AMZ2: variants seen among roughly 807,000 people sequenced by gnomAD.
The protein encoded by AMZ2 is archaelysin family metallopeptidase 2, also known as archaemetzincin-2.
A neutral mutation model predicts 36.7 loss-of-function variants in AMZ2; 26 were observed. The ratio of observed to expected loss-of-function variants is 0.71; its 90% confidence interval spans 0.52 to 0.98. The LOEUF (loss-of-function observed/expected upper bound fraction) is 0.98. Ranked by LOEUF, AMZ2 falls within the 50% of genes least tolerant of loss-of-function variation. The probability of loss-of-function intolerance (pLI) is 0.00; values close to 1 mark genes in which losing one functional copy is unlikely to be tolerated. For synonymous variants in AMZ2, 144 were observed against 149.1 expected (o/e 0.97, Z 0.25); for missense variants, 394 against 430.5 (o/e 0.92, Z 0.75).
In AMZ2 at chr17:68,256,909, G is replaced by T. The variant is rs139126842; in HGVS notation, c.1023G>T (p.Val341=). ...HEDNGNLPKP[V]EAFKEWKEWI... ...ATAATGGGAATTTACCGAAACCCGT[G>T]GAAGCCTTTAAGGAATGGAAAGAGT... Residue 341 remains valine, a synonymous_variant, in exon 7 of 7, where the codon GTG becomes GTT. Transcript: ENST00000359904. The T allele has an allele frequency of 2.7e-4, 431 of 1,614,114 alleles. No individual in the cohort carries two copies. The African/African-American group carries it at 5.4e-3, about 20-fold the overall frequency.
chr17:68,255,097 CTAT>C (rs2144773376), intron 5 of AMZ2, among the ~76,000 whole-genome samples: 1 of 152,290 alleles, frequency 6.6e-6, no homozygotes, highest in East Asian at 1.9e-4. Flanking sequence ...TTTACCTGTA[CTAT>C]TTGTTGGGGT....
chr17:68,241,400 A>C (rs1555733950), intron 1 of AMZ2, among the ~76,000 whole-genome samples: 1 of 152,222 alleles, frequency 6.6e-6, no homozygotes, highest in African/African-American at 2.4e-5. Flanking sequence ...ACCAGATTCA[A>C]CCAAAATTTA....
intron 1 of AMZ2, among the ~76,000 whole-genome samples, chr17:68,236,998 A>G (rs1555732751): frequency 6.6e-6 from 1 of 152,220 alleles, no homozygotes; most frequent in African/African-American, 2.4e-5. Context: ...ACATCCTTCC[A>G]TGATAATACG....
At position 68,255,817 on chromosome 17, in the gene AMZ2, C is replaced by T. The variant is rs1555742573; in HGVS notation, c.868C>T (p.Pro290Ser). The T allele has an allele frequency of 6.2e-6, 10 of 1,613,956 alleles. No homozygotes were observed. The South Asian group carries it at 9.9e-5, about 16-fold the overall frequency. Residue 290 changes from proline to serine, a missense_variant, in exon 6 of 7, where the codon CCT becomes TCT. By Grantham distance (74) the Pro-to-Ser change is moderately conservative. Transcript: ENST00000359904. The stretch of plus-strand genomic sequence containing the variant: ...TGACCGGCGCCCTCTAAACCTTTGC[C>T]CTATCTGTTTGCACAAGTTGCAGTG... ...EADRRPLNLC[P>S]ICLHKLQCAV...
At position 68,249,946 on chromosome 17, in the gene AMZ2, GTTT is replaced by G. The variant is rs1469641276; in HGVS notation, c.1-239_1-237del. On this transcript the variant is annotated intron_variant, in intron 1 of 6. Transcript: ENST00000359904. ...GAGCCACCACACCTGGCCACCACTA[GTTT>G]TTGTAATGGGAGCAGGTTCCATATG... The G allele has an allele frequency of 1.0e-5, 5 of 489,128 alleles. No homozygotes were observed. The East Asian group carries it at 1.9e-4, about 19-fold the overall frequency. 30.3% of individuals were successfully genotyped at this position (489,128 alleles called of 1,614,324 possible).
Position 68,248,307 on chromosome 17 carries a change from A to T in AMZ2, c.-399A>T, listed in dbSNP as rs1245980122. On this transcript the variant is annotated 5_prime_UTR_variant, in exon 1 of 7. Transcript: ENST00000359904. ...GAGGCCTTTCCCGAGGCTCCTGGGGAAGAAGAGGCGAAGCGAGAGTCCCTG... is the reference window on the plus strand; with the variant it reads ...GAGGCCTTTCCCGAGGCTCCTGGGGTAGAAGAGGCGAAGCGAGAGTCCCTG... 7 of 985,684 alleles carry T rather than the reference A, an allele frequency of 7.1e-6. No individual in the cohort carries two copies. The highest frequency in any genetic ancestry group is 6.1e-5 in the Admixed American group (1 of 16,268). The allele number at this position is 985,684 out of a possible 1,614,324, so 61.1% of individuals were successfully genotyped here.
upstream of AMZ2, chr17:68,247,357 A>AAAAAAAAAGCAAGAAAAAGAAATAAG (rs60392366): frequency 2.0e-4 from 27 of 133,756 alleles, no homozygotes; most frequent in African/African-American, 5.9e-4. Flanking sequence ...AAAAAAAAAA[A>AAAAAAAAAGCAAGAAAAAGAAATAAG]AAAGCAAGAA....
At chr17:68,232,285 C>A (rs7222897) in intron 1 of AMZ2, among the ~76,000 whole-genome samples, 1 of 151,538 alleles carries the variant, frequency 6.6e-6, no homozygotes, top group African/African-American at 2.4e-5. Context: ...TCACTGGAGC[C>A]CAGGAGTATG....
In AMZ2 at chr17:68,256,954, T is replaced by A. The variant is rs7105; in HGVS notation, c.1068T>A (p.Ala356=). The part of the protein sequence containing the change: ...EWKEWIIKCL[A]VLQK Reference sequence around the variant, plus strand: ...AAGAGTGGATAATAAAATGCCTGGCTGTTCTCCAAAAATGAGGACCTTCAA... The same window carrying A: ...AAGAGTGGATAATAAAATGCCTGGCAGTTCTCCAAAAATGAGGACCTTCAA... The change falls in exon 7 of 7, where the codon GCT becomes GCA. Residue 356 remains alanine (A), a synonymous_variant. Transcript: ENST00000359904. 0.33 allele frequency: 539,774 copies of A among 1,612,536 alleles called. 92,007 individuals carry two copies. The highest frequency in any genetic ancestry group is 0.49 in the East Asian group (22,024 of 44,848).
chr17:68,223,211 G>A (rs12952577), intron 1 of AMZ2, among the ~76,000 whole-genome samples: 15,057 of 152,202 alleles, frequency 0.099, 850 homozygotes, highest in Non-Finnish European at 0.12. Context: ...GAAAGAATAA[G>A]GAGATCATGC....
chr17:68,214,073 C>G (rs2073134668), intron 1 of AMZ2, among the ~76,000 whole-genome samples: 1 of 148,608 alleles, frequency 6.7e-6, no homozygotes, highest in African/African-American at 2.5e-5. Context: ...TCTGTTTCTT[C>G]TAAGTTGCTG....
Position 68,250,984 on chromosome 17 carries a change from T to C in AMZ2, c.457+17T>C. ...TTCATGCAGGTGAATTACACGACTT[T>C]GCAATTCGAACTGAGTATATGTATA... On this transcript the variant is annotated intron_variant, in intron 3 of 6. Transcript: ENST00000359904. 6.2e-7 allele frequency: 1 copy of C among 1,611,656 alleles called. No homozygotes were observed. Among genetic ancestry groups the C allele is most frequent in the Non-Finnish European group, 8.5e-7 (1 of 1,179,452 alleles).
chr17:68,216,321 T>A lies in AMZ2; in HGVS notation c.-67+10083T>A, dbSNP rs1206435029. On this transcript the variant is annotated intron_variant, in intron 1 of 7. Coordinates refer to the AMZ2 transcript ENST00000674770. ...GCTGATTTTTTTATTTTTTATTTTGTAGAGGTCTCACTGTGTTGGCCAGGC... is the reference window on the plus strand; with the variant it reads ...GCTGATTTTTTTATTTTTTATTTTGAAGAGGTCTCACTGTGTTGGCCAGGC... 2.6e-5 allele frequency among the ~76,000 whole-genome samples: 4 copies of A among 152,048 alleles called. 1 individual carries two copies. The highest frequency in any genetic ancestry group is 9.7e-5 in the African/African-American group (4 of 41,410).
At chr17:68,209,633 T>TATATATATGTA (rs1555725395) in intron 1 of AMZ2, among the ~76,000 whole-genome samples, 1 of 78,860 alleles carries the variant, frequency 1.3e-5, no homozygotes, top group Non-Finnish European at 2.6e-5. Context: ...TATATATATA[T>TATATATATGTA]TTTTTTTTTT....
At chr17:68,226,693 T>C (rs1468761063) in intron 1 of AMZ2, among the ~76,000 whole-genome samples, 2 of 152,122 alleles carry the variant, frequency 1.3e-5, no homozygotes, top group African/African-American at 2.4e-5. Flanking sequence ...ATACATTTGA[T>C]TTTAGAGTTT....
At chr17:68,214,620 T>G (rs1436391756) in intron 1 of AMZ2, among the ~76,000 whole-genome samples, 4 of 152,104 alleles carry the variant, frequency 2.6e-5, no homozygotes, top group African/African-American at 9.7e-5. Context: ...CACCCCTCCT[T>G]GTTATCATTG....
At position 68,235,814 on chromosome 17, in the gene AMZ2, G is replaced by C. The variant is rs2073773027; in HGVS notation, c.-66-12826G>C. ...GGACTGGCCGTCCCTACCCCTCCAA[G>C]ACTTAGCCCAAAATCTTACTTTTTT... is the stretch of plus-strand genomic sequence containing the variant. On this transcript the variant is annotated intron_variant, in intron 1 of 7. Transcript: ENST00000674770. This position sits in a 1 kb window ranked among gnomAD's most constrained non-coding sequence, Gnocchi z 4.2. Among the ~76,000 whole-genome samples, 1 of 151,610 alleles carries C rather than the reference G, an allele frequency of 6.6e-6. No homozygotes were observed. The highest frequency in any genetic ancestry group is 2.1e-4 in the South Asian group (1 of 4,798).
chr17:68,230,604 G>A (rs1303360015), intron 1 of AMZ2, among the ~76,000 whole-genome samples: 1 of 152,358 alleles, frequency 6.6e-6, no homozygotes, highest in African/African-American at 2.4e-5. Context: ...ACTCTTCAAG[G>A]GATGCAGGGA....
At position 68,229,972 on chromosome 17, in the gene AMZ2, G is replaced by T. The variant is rs868917788; in HGVS notation, c.-66-18668G>T. Reference sequence around the variant, plus strand: ...TTACCTGGTGGCTCAGGGCTCCCAGGACTACAAATGTGGAATCCACCAAGA... The same window carrying T: ...TTACCTGGTGGCTCAGGGCTCCCAGTACTACAAATGTGGAATCCACCAAGA... On this transcript the variant is annotated intron_variant, in intron 1 of 7. Coordinates refer to the AMZ2 transcript ENST00000674770. 7.2e-5 allele frequency among the ~76,000 whole-genome samples: 11 copies of T among 152,322 alleles called. No individual in the cohort carries two copies. The Middle Eastern group carries it at 0.024, about 330-fold the overall frequency.
Sources: gnomAD v4.1 joint callset for allele counts (sites outside exome capture counted in the v4.1 genomes callset) on GRCh38, gnomAD v4.1.1 for gene constraint, Gnocchi (gnomAD v3.1) non-coding constraint, MANE v1.5 for transcripts, NCBI Gene and HGNC (gene_info 2026-07-23, HGNC 2026-07-21) for gene names.